ZAP70: variants seen among roughly 807,000 people sequenced by gnomAD.
ZAP70 encodes the protein zeta chain of T cell receptor associated protein kinase 70.
ZAP70 carries 27 observed loss-of-function variants against 65.8 expected under a neutral mutation model. The ratio of observed to expected loss-of-function variants is 0.41; its 90% CI spans 0.30 to 0.57. The LOEUF (loss-of-function observed/expected upper bound fraction) is 0.57, where lower values mean the gene tolerates loss of function less well. ZAP70 is among the 20% of genes least tolerant of loss of function. The probability of loss-of-function intolerance (pLI) is 0.28; values close to 1 mark genes in which losing one functional copy is unlikely to be tolerated. For missense variants in ZAP70, 696 were observed against 870.5 expected (o/e 0.80, Z 2.52); for synonymous variants, 363 against 360.8 (o/e 1.01, Z -0.07).
At chr2:97,734,153 T>G in intron 8 of ZAP70, 2 of 318,390 alleles carry the variant, frequency 6.3e-6, no homozygotes, top group African/African-American at 2.1e-5. Flanking sequence ...AGGCTCGCTT[T>G]TGGAGGCCTC....
intron 4 of ZAP70, among the ~76,000 whole-genome samples, chr2:97,730,467 C>T (rs1489939570): frequency 6.6e-6 from 1 of 152,168 alleles, no homozygotes; most frequent in African/African-American, 2.4e-5. Flanking sequence ...CTCCATGGGC[C>T]TTCTCTAGCA....
the ZAP70 span, among the ~76,000 whole-genome samples, chr2:97,751,611 A>G: frequency 2.0e-5 from 3 of 152,202 alleles, no homozygotes; most frequent in African/African-American, 7.2e-5. Context: ...GTGTTTCTTA[A>G]TAACAGTATG....
chr2:97,741,585 C>G (rs557700456), downstream of ZAP70, among the ~76,000 whole-genome samples: 13 of 152,348 alleles, frequency 8.5e-5, no homozygotes, highest in East Asian at 1.9e-3. Flanking sequence ...CGCCCAGGCT[C>G]CCTGGGTATG....
chr2:97,717,318 G>A (rs1320914362), intron 2 of ZAP70, among the ~76,000 whole-genome samples: 1 of 152,084 alleles, frequency 6.6e-6, no homozygotes, highest in Non-Finnish European at 1.5e-5. Context: ...AGCCTTGGAT[G>A]GGGACATGTC....
chr2:97,720,381 C>T (rs190729532), intron 2 of ZAP70, among the ~76,000 whole-genome samples: 50 of 152,252 alleles, frequency 3.3e-4, no homozygotes, highest in African/African-American at 1.0e-3. Context: ...GCGCCCACCA[C>T]CACGCCCGAC....
the ZAP70 span, among the ~76,000 whole-genome samples, chr2:97,747,592 AT>A: frequency 6.6e-6 from 1 of 152,174 alleles, no homozygotes; most frequent in East Asian, 1.9e-4. Context: ...GCTCATGGGC[AT>A]GGAAGTTGTT....
At chr2:97,747,741 T>C in the ZAP70 span, among the ~76,000 whole-genome samples, 75 of 151,302 alleles carry the variant, frequency 5.0e-4, no homozygotes, top group African/African-American at 1.7e-3. Context: ...TTGTTTGATG[T>C]GAATTTTATC....
At position 97,732,952 on chromosome 2, in the gene ZAP70, C is replaced by T. The variant is rs202177604; in HGVS notation, c.633C>T (p.Tyr211=). The change falls in exon 5 of 14, where the codon TAC becomes TAT. Residue 211 remains tyrosine, a synonymous_variant. Transcript: ENST00000264972. ...SLIYGKTVYH[Y]LISQDKAGKY... ...TCTATGGGAAGACGGTGTACCACTA[C>T]CTCATCAGCCAAGACAAGGCGGGCA... 1.7e-5 allele frequency: 28 copies of T among 1,614,020 alleles called. No individual in the cohort carries two copies. The highest frequency in any genetic ancestry group is 1.1e-4 in the African/African-American group (8 of 74,948).
chr2:97,745,288 C>T, the ZAP70 span, among the ~76,000 whole-genome samples: 1 of 152,232 alleles, frequency 6.6e-6, no homozygotes, highest in South Asian at 2.1e-4. Flanking sequence ...ATCCACCTGC[C>T]TTGGCCTCCC....
At chr2:97,741,541 T>C (rs912456241), downstream of ZAP70, among the ~76,000 whole-genome samples, 1 of 149,530 alleles carries the variant, frequency 6.7e-6, no homozygotes, top group African/African-American at 2.5e-5. Context: ...AGCTCCCCGT[T>C]CCCTCCCGGG....
rs2104710213 is a variant in ZAP70 at position 97,739,561 on chromosome 2, T to C, written c.*63T>C. 6.4e-7 allele frequency: 1 copy of C among 1,574,302 alleles called. No homozygotes were observed. Among genetic ancestry groups the C allele is most frequent in the Non-Finnish European group, 8.6e-7 (1 of 1,160,096 alleles). The stretch of plus-strand genomic sequence containing the variant: ...TCCCCACCCTCAGCCCCACCCCAGG[T>C]CCTGCAGTCTGGCTGAGCCCTGCTT... On this transcript the variant is annotated 3_prime_UTR_variant, in exon 14 of 14. Coordinates refer to ENST00000264972, the MANE Select transcript of ZAP70 (RefSeq NM_001079.4).
rs1412860749 is a variant in ZAP70 at position 97,738,043 on chromosome 2, A to T, written c.1672A>T (p.Met558Leu). 1 of 1,612,866 alleles carries T rather than the reference A, an allele frequency of 6.2e-7. No homozygotes were observed. Among genetic ancestry groups the T allele is most frequent in the African/African-American group, 1.3e-5 (1 of 74,878 alleles). The change falls in exon 13 of 14, where the codon ATG becomes TTG. Residue 558 changes from methionine to leucine, a missense_variant. Physicochemically the swap from Met to Leu is conservative, Grantham distance 15 (BLOSUM62 2). Around this residue, in one of 3 missense-constraint regions of ZAP70, gnomAD observed 78 missense variants for 88.6 expected, o/e 0.88. Transcript: ENST00000264972. ...GGCCTTCATCGAGCAGGGCAAGCGG[A>T]TGGAGTGCCCACCAGAGTGTCCACC... is the stretch of plus-strand genomic sequence containing the variant. ...VMAFIEQGKR[M>L]ECPPECPPEL...
downstream of ZAP70, among the ~76,000 whole-genome samples, chr2:97,741,876 C>T (rs542434530): frequency 1.8e-4 from 27 of 152,260 alleles, no homozygotes; most frequent in Non-Finnish European, 4.0e-4. Flanking sequence ...GTGATAACCA[C>T]TGGCATGGTG....
At chr2:97,729,711 C>T (rs1297861259) in intron 4 of ZAP70, among the ~76,000 whole-genome samples, 1 of 151,486 alleles carries the variant, frequency 6.6e-6, no homozygotes, top group Non-Finnish European at 1.5e-5. Flanking sequence ...AAAGAACTGC[C>T]ACTACCTAGC....
rs1291542609 is a variant in ZAP70 at position 97,737,798 on chromosome 2, C to T, written c.1524C>T (p.Pro508=). The part of the protein sequence containing the change: ...AGKWPLKWYA[P]ECINFRKFSS... ...AGTGGCCGCTCAAGTGGTACGCACC[C>T]GAATGCATCAACTTCCGCAAGTTCT... Residue 508 remains proline (P), a synonymous_variant, in exon 12 of 14, where the codon CCC becomes CCT. Transcript: ENST00000264972. The surrounding 1 kb of genome is among the most constrained non-coding windows in gnomAD (Gnocchi z 5.0). 13 of 1,614,004 alleles carry T rather than the reference C, an allele frequency of 8.1e-6. No individual in the cohort carries two copies. Among genetic ancestry groups the T allele is most frequent in the Admixed American group, 3.3e-5 (2 of 59,990 alleles).
At chr2:97,746,209 C>T in the ZAP70 span, among the ~76,000 whole-genome samples, 13 of 152,120 alleles carry the variant, frequency 8.5e-5, no homozygotes, top group Non-Finnish European at 1.8e-4. Flanking sequence ...TACAGAGTTT[C>T]TGTTGGGAAT....
In ZAP70 at chr2:97,737,415, G is replaced by A; in HGVS notation, c.1290-58G>A. 6.3e-7 allele frequency: 1 copy of A among 1,586,936 alleles called. No individual in the cohort carries two copies. Among genetic ancestry groups the A allele is most frequent in the Non-Finnish European group, 8.7e-7 (1 of 1,155,946 alleles). Reference sequence around the variant, plus strand: ...CAGCTGGGTCAGAGAAGCATGCTTTGCCCCTGGGAACTTGGCTAGTCTTCT... The same window carrying A: ...CAGCTGGGTCAGAGAAGCATGCTTTACCCCTGGGAACTTGGCTAGTCTTCT... On this transcript the variant is annotated intron_variant, in intron 10 of 13. Transcript: ENST00000264972. The surrounding 1 kb of genome is among the most constrained non-coding windows in gnomAD (Gnocchi z 5.0).
intron 4 of ZAP70, among the ~76,000 whole-genome samples, chr2:97,725,611 G>C (rs978277437): frequency 6.6e-6 from 1 of 152,218 alleles, no homozygotes; most frequent in Non-Finnish European, 1.5e-5. Flanking sequence ...GCACACGGCA[G>C]TGAGCCAAAA....
intron 2 of ZAP70, among the ~76,000 whole-genome samples, chr2:97,717,128 G>A (rs898540947): frequency 6.6e-6 from 1 of 152,238 alleles, no homozygotes; most frequent in Admixed American, 6.5e-5. Flanking sequence ...GGTGGGCACA[G>A]GCGGCCCGAG....
Sources: gnomAD v4.1 joint callset for allele counts (sites outside exome capture counted in the v4.1 genomes callset) on GRCh38, gnomAD v4.1.1 for gene constraint, gnomAD v4.1.1 regional missense constraint, Gnocchi (gnomAD v3.1) non-coding constraint, MANE v1.5 for transcripts, NCBI Gene and HGNC (gene_info 2026-07-23, HGNC 2026-07-21) for gene names.